The following CDH18 variants were observed in gnomAD, a reference collection of about 807,000 sequenced individuals.
The protein encoded by CDH18 is cadherin 18, also known as cadherin-18.
Under a neutral mutation model 67.9 loss-of-function variants are expected in CDH18, and 31 were observed. The ratio of observed to expected loss-of-function variants is 0.46; its 90% CI spans 0.34 to 0.62. The LOEUF (loss-of-function observed/expected upper bound fraction) is 0.62, where lower values mean the gene tolerates loss of function less well. CDH18 is among the 20% of genes least tolerant of loss of function. The pLI, the probability that CDH18 is intolerant of heterozygous loss-of-function variation, is 0.01. For synonymous variants in CDH18, 362 were observed against 347.2 expected (o/e 1.04, Z -0.48); for missense variants, 890 against 975.5 (o/e 0.91, Z 1.17).
chr5:20,504,653 C>T (rs1472657775), intron 1 of CDH18, among the ~76,000 whole-genome samples: 1 of 149,964 alleles, frequency 6.7e-6, no homozygotes, highest in East Asian at 1.9e-4. Context: ...ATGTAGAGAT[C>T]AAAGTAATTT....
intron 1 of CDH18, among the ~76,000 whole-genome samples, chr5:20,524,475 T>C (rs769533063): frequency 7.9e-5 from 12 of 152,208 alleles, no homozygotes; most frequent in Non-Finnish European, 1.5e-4. Flanking sequence ...ATTTCCACTG[T>C]ATTGCAGCTA....
chr5:19,539,620 T>C (rs983803894), intron 9 of CDH18, among the ~76,000 whole-genome samples: 3 of 151,758 alleles, frequency 2.0e-5, no homozygotes, highest in African/African-American at 4.9e-5. Flanking sequence ...ATAAGACATA[T>C]CTGAGGCTGG....
intron 3 of CDH18, among the ~76,000 whole-genome samples, chr5:19,767,940 T>C (rs1049881408): frequency 2.6e-5 from 4 of 152,192 alleles, no homozygotes; most frequent in African/African-American, 7.2e-5. Flanking sequence ...TGAATCTTCA[T>C]ATCTTCAACA....
chr5:19,785,676 AAAAATATATATATATATATATATATATAT>A (rs1172238909), intron 3 of CDH18, among the ~76,000 whole-genome samples: 28 of 53,728 alleles, frequency 5.2e-4, no homozygotes, highest in South Asian at 1.3e-3. Context: ...AAAAAAAAAA[AAAAATATATATATATATATATATATATAT>A]ATATATATAT....
chr5:19,618,372 T>C (rs1189768353), intron 5 of CDH18, among the ~76,000 whole-genome samples: 3 of 151,976 alleles, frequency 2.0e-5, no homozygotes, highest in Non-Finnish European at 4.4e-5. Context: ...TGCCCAGCTA[T>C]TTTTTGTACT....
chr5:20,345,277 A>G (rs2150049189), intron 1 of CDH18, among the ~76,000 whole-genome samples: 1 of 152,178 alleles, frequency 6.6e-6, no homozygotes, highest in South Asian at 2.1e-4. Flanking sequence ...TTGGGGTACT[A>G]TTTTTTATAA....
At chr5:20,244,250 G>T (rs768726879) in intron 2 of CDH18, among the ~76,000 whole-genome samples, 1 of 151,936 alleles carries the variant, frequency 6.6e-6, no homozygotes, top group Admixed American at 6.6e-5. Context: ...ATGTGATAAA[G>T]AAGTTTTCAG....
At chr5:19,994,662 C>T (rs1206484814) in intron 2 of CDH18, among the ~76,000 whole-genome samples, 3 of 115,484 alleles carry the variant, frequency 2.6e-5, no homozygotes, top group African/African-American at 9.9e-5. Context: ...ACATTTTTTG[C>T]TTTTCTCAGT....
intron 3 of CDH18, among the ~76,000 whole-genome samples, chr5:19,752,846 C>T (rs2149675242): frequency 6.6e-6 from 1 of 152,288 alleles, no homozygotes; most frequent in African/African-American, 2.4e-5. Flanking sequence ...AGACGGTTCA[C>T]ATCACAGGAC....
At position 20,495,755 on chromosome 5, in the gene CDH18, G is replaced by C. The variant is rs1042553645; in HGVS notation, c.-580+79707C>G. ...TCAAAAAAAGACAAAAGTGACAAAA[G>C]AGAGACTATGAGACAGATTAGATTT... On this transcript the variant is annotated intron_variant, in intron 1 of 14. Coordinates refer to the CDH18 transcript ENST00000507958. 2.6e-4 allele frequency among the ~76,000 whole-genome samples: 40 copies of C among 152,216 alleles called. 1 individual carries two copies. The highest frequency in any genetic ancestry group is 9.6e-4 in the African/African-American group (40 of 41,554).
At chr5:19,485,846 T>C (rs1740311758) in intron 11 of CDH18, among the ~76,000 whole-genome samples, 1 of 152,114 alleles carries the variant, frequency 6.6e-6, no homozygotes, top group Non-Finnish European at 1.5e-5. Context: ...ACACGAATAA[T>C]AACATGTGAA....
At chr5:19,510,675 T>C (rs1442362876) in intron 10 of CDH18, among the ~76,000 whole-genome samples, 1 of 152,120 alleles carries the variant, frequency 6.6e-6, no homozygotes, top group Non-Finnish European at 1.5e-5. Context: ...TAAAATCATA[T>C]TGAATTATAA....
At chr5:19,818,962 T>C (rs891959091) in intron 3 of CDH18, among the ~76,000 whole-genome samples, 6 of 152,098 alleles carry the variant, frequency 3.9e-5, no homozygotes, top group African/African-American at 1.4e-4. Flanking sequence ...ATCTATGAGA[T>C]ATATCCCTCC....
intron 2 of CDH18, among the ~76,000 whole-genome samples, chr5:20,173,684 G>A (rs917699451): frequency 6.6e-6 from 1 of 152,118 alleles, no homozygotes; most frequent in Non-Finnish European, 1.5e-5. Context: ...AAGATGTTGA[G>A]TTATTATGAA....
At chr5:20,194,483 TTGA>T (rs1484309534) in intron 2 of CDH18, among the ~76,000 whole-genome samples, 1 of 152,020 alleles carries the variant, frequency 6.6e-6, no homozygotes, top group East Asian at 1.9e-4. Flanking sequence ...ATCAGAGTTG[TTGA>T]TGAATCAAAA....
Position 20,560,152 on chromosome 5 carries a change from G to A in CDH18, c.-580+15310C>T, listed in dbSNP as rs544075650. Among the ~76,000 whole-genome samples, 18 of 152,154 alleles carry A rather than the reference G, an allele frequency of 1.2e-4. No homozygotes were observed. The South Asian group carries it at 2.9e-3, about 25-fold the overall frequency. ...GCATACTCTCTGCCATCAGGCTCCC[G>A]TGCTGTCACAGATTTCTGAGTTTCT... On this transcript the variant is annotated intron_variant, in intron 1 of 14. Transcript: ENST00000507958.
chr5:20,443,392 A>G (rs1749777174), intron 1 of CDH18, among the ~76,000 whole-genome samples: 1 of 151,704 alleles, frequency 6.6e-6, no homozygotes, highest in Admixed American at 6.6e-5. Context: ...ATTATTTACA[A>G]TATCAATGAT....
intron 10 of CDH18, among the ~76,000 whole-genome samples, chr5:19,517,287 T>A (rs2126876803): frequency 6.6e-6 from 1 of 152,302 alleles, no homozygotes; most frequent in Middle Eastern, 3.4e-3. Context: ...TCAGTAAATG[T>A]CTGCTCTTGT....
intron 1 of CDH18, among the ~76,000 whole-genome samples, chr5:20,534,664 T>C (rs757492811): frequency 2.0e-5 from 3 of 152,046 alleles, no homozygotes; most frequent in Admixed American, 6.6e-5. Context: ...ATGTAGCTCA[T>C]ATTTTTTCAC....
Sources: allele counts gnomAD v4.1 joint callset (sites outside exome capture counted in the v4.1 genomes callset), GRCh38; gene constraint gnomAD v4.1.1; transcripts MANE v1.5; gene names NCBI Gene and HGNC (gene_info 2026-07-23, HGNC 2026-07-21).